C5orf46: variants seen among roughly 807,000 people sequenced by gnomAD.
The protein encoded by C5orf46 is uncharacterized protein C5orf46.
In C5orf46, 9 loss-of-function variants were observed where a neutral mutation model predicts 8.9. That is an observed-to-expected ratio of 1.01 (90% confidence interval 0.61 to 1.76). C5orf46 has a LOEUF of 1.76. Among genes scored for constraint, C5orf46 ranks in the 40% most tolerant of loss-of-function variants. C5orf46 has a pLI of 0.00. For synonymous variants in C5orf46, 47 were observed against 41.4 expected (o/e 1.14, Z -0.52); for missense variants, 98 against 107.8 (o/e 0.91, Z 0.40).
chr5:147,897,923 T>C (rs1340004231), intron 2 of C5orf46, among the ~76,000 whole-genome samples: 1 of 152,096 alleles, frequency 6.6e-6, no homozygotes, highest in Non-Finnish European at 1.5e-5. Context: ...CATTAGTCAT[T>C]GGGGCTTCAG....
intron 3 of C5orf46, among the ~76,000 whole-genome samples, chr5:147,895,251 C>A (rs1561630226): frequency 6.6e-6 from 1 of 152,084 alleles, no homozygotes; most frequent in Non-Finnish European, 1.5e-5. Flanking sequence ...CCAGCCTGGG[C>A]AGCATGGTGA....
rs756727601 is a variant in C5orf46, at chr5:147,901,705, T to G, written c.139A>C (p.Lys47Gln). ...SGKDPKPDFP[K>Q]FLSLLGTEII... is the part of the protein sequence containing the mutation. ...TCTGTGCCCAGGAGGCTTAGGAATTTGGGGAAGTCTGGCTTTGGGTCTTTG... is the reference window on the plus strand; with the variant it reads ...TCTGTGCCCAGGAGGCTTAGGAATTGGGGGAAGTCTGGCTTTGGGTCTTTG... The change falls in exon 2 of 4, where the codon AAA (lysine) becomes CAA (glutamine). Residue 47 changes from lysine (K) to glutamine (Q), a missense_variant. Physicochemically the swap from Lys to Gln is moderately conservative, Grantham distance 53. Coordinates refer to ENST00000318315, the MANE Select transcript of C5orf46 (RefSeq NM_206966.3). The G allele has an allele frequency of 1.2e-6, 2 of 1,614,038 alleles. No individual in the cohort carries two copies. Among genetic ancestry groups the G allele is most frequent in the South Asian group, 1.1e-5 (1 of 91,078 alleles).
chr5:147,889,353 T>C (rs1441269040), downstream of C5orf46, among the ~76,000 whole-genome samples: 2 of 152,162 alleles, frequency 1.3e-5, no homozygotes, highest in Non-Finnish European at 2.9e-5. Context: ...GCAACAATAT[T>C]GGTTGCTGAT....
intron 1 of C5orf46, among the ~76,000 whole-genome samples, chr5:147,902,489 T>C (rs988539864): frequency 6.6e-6 from 1 of 152,090 alleles, no homozygotes; most frequent in African/African-American, 2.4e-5. Context: ...GAAATATCAA[T>C]GGGTAACATT....
At chr5:147,897,370 A>G (rs896652509) in intron 2 of C5orf46, among the ~76,000 whole-genome samples, 1 of 152,232 alleles carries the variant, frequency 6.6e-6, no homozygotes, top group Non-Finnish European at 1.5e-5. Flanking sequence ...ATTAATAAAT[A>G]TTTGTTGAAT....
intron 2 of C5orf46, among the ~76,000 whole-genome samples, chr5:147,900,635 C>T (rs776712643): frequency 5.9e-4 from 90 of 152,284 alleles, no homozygotes; most frequent in Non-Finnish European, 1.2e-3. Flanking sequence ...AAACCATATC[C>T]ATGGCCTTGT....
intron 1 of C5orf46, among the ~76,000 whole-genome samples, chr5:147,903,936 C>A (rs969683482): frequency 6.7e-6 from 1 of 150,084 alleles, no homozygotes; most frequent in Non-Finnish European, 1.5e-5. Context: ...TGTGTAGAGA[C>A]GGGGTTTCGC....
At chr5:147,891,223 C>T (rs183404342), downstream of C5orf46, among the ~76,000 whole-genome samples, 106 of 152,252 alleles carry the variant, frequency 7.0e-4, 2 homozygotes, top group Middle Eastern at 3.4e-3. Context: ...TCACTTCAAT[C>T]GCATTGCAGT....
downstream of C5orf46, among the ~76,000 whole-genome samples, chr5:147,888,659 T>C (rs1757457052): frequency 6.6e-6 from 1 of 152,184 alleles, no homozygotes; most frequent in African/African-American, 2.4e-5. Context: ...CTTCACCCAG[T>C]TGATACACAT....
intron 1 of C5orf46, among the ~76,000 whole-genome samples, chr5:147,906,135 C>T (rs1279195608): frequency 6.6e-6 from 1 of 152,088 alleles, no homozygotes; most frequent in African/African-American, 2.4e-5. Context: ...GAATAATTAT[C>T]AAAAAATAAA....
At chr5:147,886,563 C>T (rs1222606182) in intron 2 of C5orf46, 1 of 150,810 alleles carries the variant, frequency 6.6e-6, no homozygotes, top group Non-Finnish European at 1.5e-5. Flanking sequence ...AACTTTCATT[C>T]TCTTCATCCA....
At chr5:147,889,306 A>AATATGTTTGG (rs1257801156), downstream of C5orf46, among the ~76,000 whole-genome samples, 1 of 152,172 alleles carries the variant, frequency 6.6e-6, no homozygotes, top group Non-Finnish European at 1.5e-5. Context: ...TCTACATGTG[A>AATATGTTTGG]ATATGTTTGG....
rs575467226 is a variant in C5orf46, at chr5:147,904,606, G to A, written c.70+1826C>T. On this transcript the variant is annotated intron_variant, in intron 1 of 3. Coordinates refer to ENST00000318315, the MANE Select transcript of C5orf46 (RefSeq NM_206966.3). ...TTCAAGATGCAAGAAGCCTGGGATT[G>A]GAGTGGGCGGAAATCAAAATCTTGG... is the stretch of plus-strand genomic sequence containing the variant. Among the ~76,000 whole-genome samples the A allele has an allele frequency of 2.6e-5, 4 of 152,194 alleles. No homozygotes were observed. The South Asian group carries it at 6.2e-4, about 24-fold the overall frequency.
At chr5:147,904,839 A>G (rs956012196) in intron 1 of C5orf46, among the ~76,000 whole-genome samples, 33 of 149,478 alleles carry the variant, frequency 2.2e-4, no homozygotes, top group African/African-American at 7.8e-4. Context: ...CTATATATAT[A>G]TACACACACA....
chr5:147,895,906 A>G (rs1757572572), intron 3 of C5orf46, among the ~76,000 whole-genome samples: 1 of 152,144 alleles, frequency 6.6e-6, no homozygotes, highest in East Asian at 1.9e-4. Flanking sequence ...AGGGTGGGCT[A>G]AGTTCCGGGG....
rs760614388 is a variant in C5orf46, at chr5:147,897,039, C to T, written c.218G>A (p.Gly73Glu). 5.5e-6 allele frequency: 8 copies of T among 1,457,210 alleles called. No homozygotes were observed. In the South Asian group the frequency reaches 9.8e-5, roughly 18 times the overall value. 90.3% of individuals were successfully genotyped at this position (1,457,210 alleles called of 1,614,324 possible). A position where few individuals can be genotyped will look rare whatever the true frequency, so the allele number is the denominator to read the frequency against. The change falls in exon 3 of 4, where the codon GGA (glycine) becomes GAA (glutamate). Residue 73 changes from glycine to glutamate, a missense_variant and splice_region_variant. Transcript: ENST00000318315. ...FILRSMSRST[G>E]FMEFDDNEGK... is the part of the protein sequence containing the mutation. ...TTCATTATCATCAAATTCCATAAATCCTCTTGAGAAAAAAAGAGAAAATAA... is the reference window on the plus strand; with the variant it reads ...TTCATTATCATCAAATTCCATAAATTCTCTTGAGAAAAAAAGAGAAAATAA...
chr5:147,898,422 T>C (rs978658853), intron 2 of C5orf46, among the ~76,000 whole-genome samples: 1 of 151,956 alleles, frequency 6.6e-6, no homozygotes, highest in Admixed American at 6.6e-5. Context: ...CTTAATGAGA[T>C]ATGGAGGAAG....
At chr5:147,896,850 A>G (rs930486681) in intron 3 of C5orf46, 134 bp downstream of exon 3, 23 of 429,920 alleles carry the variant, frequency 5.3e-5, no homozygotes, top group Non-Finnish European at 9.4e-5. Flanking sequence ...ATATTCATTT[A>G]TTTTTTTAAA....
chr5:147,896,937 G>T, intron 3 of C5orf46, 47 bp downstream of exon 3: 2 of 958,834 alleles, frequency 2.1e-6, no homozygotes, highest in Non-Finnish European at 3.1e-6. Flanking sequence ...TTTTTCCTTT[G>T]TCCAATACAC....
Sources: gnomAD v4.1 joint callset for allele counts (sites outside exome capture counted in the v4.1 genomes callset) on GRCh38, gnomAD v4.1.1 for gene constraint, MANE v1.5 for transcripts, NCBI Gene and HGNC (gene_info 2026-07-23, HGNC 2026-07-21) for gene names.